The following PTK2B variants were observed in gnomAD, a reference collection of about 807,000 sequenced individuals.
The protein encoded by PTK2B is protein tyrosine kinase 2 beta.
A neutral mutation model predicts 142.9 loss-of-function variants in PTK2B; 71 were observed. The ratio of observed to expected loss-of-function variants is 0.50; its 90% CI spans 0.41 to 0.61. The LOEUF (loss-of-function observed/expected upper bound fraction) is 0.61. Among genes scored for constraint, PTK2B ranks in the 20% least tolerant of loss-of-function variants. PTK2B has a pLI of 0.00. For missense variants in PTK2B, 1,105 were observed against 1,320.4 expected (o/e 0.84, Z 2.53); for synonymous variants, 519 against 503.4 (o/e 1.03, Z -0.42).
At chr8:27,403,663 C>G (rs1808513765) in intron 2 of PTK2B, among the ~76,000 whole-genome samples, 2 of 152,098 alleles carry the variant, frequency 1.3e-5, no homozygotes, top group African/African-American at 4.8e-5. Context: ...ATTTGCTTGT[C>G]TGGGAAAAGG....
intron 1 of PTK2B, among the ~76,000 whole-genome samples, chr8:27,348,679 G>T (rs886537882): frequency 6.6e-6 from 1 of 152,132 alleles, no homozygotes; most frequent in African/African-American, 2.4e-5. Flanking sequence ...GGCCCAAATT[G>T]GTTGTTGCTT....
rs1023478845 is a variant in PTK2B, at chr8:27,445,734, C to T, written c.2215-60C>T. The T allele has an allele frequency of 1.9e-6, 3 of 1,603,960 alleles. No individual in the cohort carries two copies. In the Admixed American group the frequency reaches 5.0e-5, roughly 27 times the overall value. On this transcript the variant is annotated intron_variant, in intron 23 of 30. Transcript: ENST00000346049. ...TTCTTTGTGCTCGTGTTTGTAGCAG[C>T]TAATTGTCTACCTTCTCGCTTTGTC... is the stretch of plus-strand genomic sequence containing the variant.
chr8:27,330,194 C>G (rs1803660144), intron 1 of PTK2B, among the ~76,000 whole-genome samples: 1 of 152,140 alleles, frequency 6.6e-6, no homozygotes, highest in Non-Finnish European at 1.5e-5. Flanking sequence ...ATAATAATAG[C>G]GTCGAAGTAC....
chr8:27,337,512 G>A (rs1011055725), intron 1 of PTK2B, among the ~76,000 whole-genome samples: 9 of 152,262 alleles, frequency 5.9e-5, no homozygotes, highest in South Asian at 2.1e-4. Context: ...CAGTCACACC[G>A]TGTTCTCCAC....
intron 2 of PTK2B, among the ~76,000 whole-genome samples, chr8:27,411,358 C>T (rs931907533): frequency 6.6e-6 from 1 of 152,176 alleles, no homozygotes; most frequent in Non-Finnish European, 1.5e-5. Context: ...ACTTACCTTT[C>T]TGTTACCCCA....
intron 5 of PTK2B, among the ~76,000 whole-genome samples, chr8:27,427,923 G>A (rs1288160365): frequency 6.6e-6 from 1 of 151,950 alleles, no homozygotes; most frequent in Admixed American, 6.6e-5. Flanking sequence ...TTGGGGTGGG[G>A]GATGGTTTCA....
chr8:27,399,695 G>C (rs1332800769), intron 2 of PTK2B, among the ~76,000 whole-genome samples: 4 of 152,202 alleles, frequency 2.6e-5, no homozygotes. Flanking sequence ...CAGAGGTGGA[G>C]AACAGAAGTG....
At chr8:27,329,607 G>A (rs1364356304) in intron 1 of PTK2B, among the ~76,000 whole-genome samples, 2 of 152,270 alleles carry the variant, frequency 1.3e-5, no homozygotes, top group Admixed American at 6.5e-5. Flanking sequence ...GAGCTGCGAC[G>A]TGCCCGGGGC....
intron 2 of PTK2B, among the ~76,000 whole-genome samples, chr8:27,418,982 C>G (rs1313291905): frequency 1.3e-5 from 2 of 151,990 alleles, no homozygotes; most frequent in Non-Finnish European, 1.5e-5. Flanking sequence ...GAGCCGAGAT[C>G]ACATCACTGC....
chr8:27,346,497 G>A (rs1267866669), intron 1 of PTK2B, among the ~76,000 whole-genome samples: 3 of 152,228 alleles, frequency 2.0e-5, no homozygotes, highest in Non-Finnish European at 4.4e-5. Context: ...AGTGAGCCGT[G>A]ATTGTGCAGC....
chr8:27,432,242 C>T lies in PTK2B; in HGVS notation c.886-18C>T, dbSNP rs1361531519. ...CTGGTAGTGGGATGGTCTGAAGCTC[C>T]CCCTTCTTTTCCCACAGCCCACCTG... On this transcript the variant is annotated intron_variant, in intron 9 of 30. Transcript: ENST00000346049. 2.5e-6 allele frequency: 4 copies of T among 1,612,444 alleles called. No individual in the cohort carries two copies. Among genetic ancestry groups the T allele is most frequent in the Non-Finnish European group, 3.4e-6 (4 of 1,179,000 alleles).
intron 21 of PTK2B, among the ~76,000 whole-genome samples, chr8:27,442,588 G>C (rs900047948): frequency 1.6e-4 from 25 of 152,230 alleles, no homozygotes; most frequent in African/African-American, 5.1e-4. Context: ...TGGGGCTGCA[G>C]TCAGGCTCCT....
intron 1 of PTK2B, among the ~76,000 whole-genome samples, chr8:27,341,831 A>G (rs1418509933): frequency 6.6e-6 from 1 of 151,524 alleles, no homozygotes; most frequent in African/African-American, 2.4e-5. Flanking sequence ...CCACCATCAC[A>G]CTCAGCTAAT....
chr8:27,381,869 A>C (rs1188638051), intron 1 of PTK2B, among the ~76,000 whole-genome samples: 1 of 152,152 alleles, frequency 6.6e-6, no homozygotes, highest in South Asian at 2.1e-4. Flanking sequence ...GTGAGATGCT[A>C]TCTCATTGTA....
intron 1 of PTK2B, among the ~76,000 whole-genome samples, chr8:27,378,989 C>T (rs1255763850): frequency 6.6e-6 from 1 of 152,104 alleles, no homozygotes. Context: ...GACTCACATC[C>T]GACACGGGGG....
rs116587730 is a variant in PTK2B, at chr8:27,404,017, T to C, written c.204+6229T>C. 3.4e-3 allele frequency among the ~76,000 whole-genome samples: 483 copies of C among 140,854 alleles called. 2 individuals carry two copies. Among genetic ancestry groups the C allele is most frequent in the African/African-American group, 0.012 (445 of 38,494 alleles). 92.4% of individuals were successfully genotyped at this position (140,854 alleles called of 152,430 possible). Reference sequence around the variant, plus strand: ...TCTCCTTTCTCTTCTTCTCAAGCCATATGTCCTGATTTGTCTCATCCCCAG... The same window carrying C: ...TCTCCTTTCTCTTCTTCTCAAGCCACATGTCCTGATTTGTCTCATCCCCAG... On this transcript the variant is annotated intron_variant, in intron 2 of 30. Transcript: ENST00000346049.
At chr8:27,342,102 T>G (rs1804437182) in intron 1 of PTK2B, among the ~76,000 whole-genome samples, 1 of 152,102 alleles carries the variant, frequency 6.6e-6, no homozygotes. Flanking sequence ...AACCCCACTT[T>G]GAGAACCACT....
upstream of PTK2B, chr8:27,323,288 T>C (rs1047211533): frequency 1.3e-5 from 2 of 152,240 alleles, no homozygotes; most frequent in Non-Finnish European, 2.9e-5. Flanking sequence ...ACGGGGCTTG[T>C]TTGAAGAGCA....
intron 1 of PTK2B, among the ~76,000 whole-genome samples, chr8:27,330,662 C>G (rs1474721027): frequency 6.6e-6 from 1 of 152,160 alleles, no homozygotes; most frequent in African/African-American, 2.4e-5. Context: ...CTTTTTGAGT[C>G]ACTCTGCTAT....
Sources: allele counts gnomAD v4.1 joint callset (sites outside exome capture counted in the v4.1 genomes callset), GRCh38; gene constraint gnomAD v4.1.1; transcripts MANE v1.5; gene names NCBI Gene and HGNC (gene_info 2026-07-23, HGNC 2026-07-21).